PMM2: variants seen among roughly 807,000 people sequenced by gnomAD.
The protein encoded by PMM2 is phosphomannomutase 2.
PMM2 carries 35 observed loss-of-function variants against 33.2 expected under a neutral mutation model. That is an observed-to-expected ratio of 1.06 (90% CI 0.81 to 1.40). The LOEUF is 1.40. Ranked by LOEUF, PMM2 falls within the 40% of genes most tolerant of loss-of-function variation. The probability of loss-of-function intolerance (pLI) is 0.00; values close to 1 mark genes in which losing one functional copy is unlikely to be tolerated. For missense variants in PMM2, 386 were observed against 306.0 expected, an observed-to-expected ratio of 1.26 and a Z score of -1.95; for synonymous variants, 153 against 114.7, an observed-to-expected ratio of 1.33 and a Z score of -2.13.
intron 1 of PMM2, among the ~76,000 whole-genome samples, chr16:8,800,216 C>G (rs2060605150): frequency 6.6e-6 from 1 of 151,896 alleles, no homozygotes; most frequent in Admixed American, 6.6e-5. Flanking sequence ...AAAAGATTAG[C>G]CGAGCATGAT....
chr16:8,823,159 T>C (rs1252435210), intron 7 of PMM2, among the ~76,000 whole-genome samples: 1 of 152,186 alleles, frequency 6.6e-6, no homozygotes, highest in Non-Finnish European at 1.5e-5. Context: ...GCACTGGAGA[T>C]GGGCTAGGCA....
At position 8,835,064 on chromosome 16, in the gene PMM2, T is replaced by C. The variant is rs544692261; in HGVS notation, c.640-12660T>C. 8.8e-5 allele frequency among the ~76,000 whole-genome samples: 13 copies of C among 148,454 alleles called. No individual in the cohort carries two copies. In the South Asian group the frequency reaches 2.4e-3, roughly 27 times the overall value. ...AGAAATGTAGAGAGTGAGTTGAGCATAGTTTGTGATTTTTACGGCCTCTAA... is the reference window on the plus strand; with the variant it reads ...AGAAATGTAGAGAGTGAGTTGAGCACAGTTTGTGATTTTTACGGCCTCTAA... On this transcript the variant is annotated intron_variant, in intron 7 of 7. Coordinates refer to ENST00000268261, the MANE Select transcript of PMM2 (RefSeq NM_000303.3).
chr16:8,820,351 C>CTTTTTTTTTTTTTTTTTTTT (rs545958069), intron 7 of PMM2, among the ~76,000 whole-genome samples: 4 of 133,174 alleles, frequency 3.0e-5, no homozygotes, highest in African/African-American at 1.2e-4. Flanking sequence ...CACAGTTCTT[C>CTTTTTTTTTTTTTTTTTTTT]TTTTTTTTTT....
At chr16:8,845,602 T>C (rs1436689211) in intron 7 of PMM2, among the ~76,000 whole-genome samples, 1 of 151,952 alleles carries the variant, frequency 6.6e-6, no homozygotes, top group Non-Finnish European at 1.5e-5. Context: ...TTTTTTCTTT[T>C]GAGTCTCGCT....
chr16:8,799,104 T>C (rs1469319138), intron 1 of PMM2, among the ~76,000 whole-genome samples: 1 of 152,234 alleles, frequency 6.6e-6, no homozygotes, highest in Non-Finnish European at 1.5e-5. Context: ...CTTCTCTGTC[T>C]TTGCTGACTA....
intron 7 of PMM2, among the ~76,000 whole-genome samples, chr16:8,826,837 G>C (rs960716963): frequency 3.3e-5 from 5 of 151,864 alleles, no homozygotes; most frequent in African/African-American, 1.2e-4. Flanking sequence ...ACGACTCACA[G>C]AGACCATCTA....
In PMM2 at chr16:8,839,496, C is replaced by T. The variant is rs571779200; in HGVS notation, c.640-8228C>T. On this transcript the variant is annotated intron_variant, in intron 7 of 7. Transcript: ENST00000268261. The stretch of plus-strand genomic sequence containing the variant: ...TGTATGAGAAAACGTTGAGTATCTA[C>T]AAGCAACCTTTCACTATTATTTTCG... Among the ~76,000 whole-genome samples the T allele has an allele frequency of 1.3e-3, 191 of 152,054 alleles. 1 individual carries two copies. The highest frequency in any genetic ancestry group is 4.3e-3 in the African/African-American group (177 of 41,516).
intron 7 of PMM2, among the ~76,000 whole-genome samples, chr16:8,833,538 G>A (rs985079116): frequency 4.6e-5 from 7 of 151,684 alleles, no homozygotes; most frequent in Non-Finnish European, 1.5e-5. Context: ...AAATTTTTAG[G>A]GGGTGGTATG....
chr16:8,820,380 G>A (rs1250323109), intron 7 of PMM2, among the ~76,000 whole-genome samples: 1 of 135,592 alleles, frequency 7.4e-6, no homozygotes, highest in Non-Finnish European at 1.5e-5. Flanking sequence ...CTGAGACAAG[G>A]TCTCACTCTG....
In PMM2 at chr16:8,836,244, G is replaced by GT. The variant is rs539837331; in HGVS notation, c.640-11477dup. Among the ~76,000 whole-genome samples the GT allele has an allele frequency of 4.5e-3, 690 of 152,112 alleles. 5 individuals are homozygous for GT. Among genetic ancestry groups the GT allele is most frequent in the African/African-American group, 0.015 (638 of 41,508 alleles). On this transcript the variant is annotated intron_variant, in intron 7 of 7. Transcript: ENST00000268261. The stretch of plus-strand genomic sequence containing the variant: ...TACCCGATGCTCGGCGTCCGTGATG[G>GT]TTTATGGGGCTTCCGAGGGGATTGG...
At chr16:8,843,313 G>C (rs879867404) in intron 7 of PMM2, among the ~76,000 whole-genome samples, 14 of 152,300 alleles carry the variant, frequency 9.2e-5, no homozygotes, top group South Asian at 4.1e-4. Context: ...TGGCGTCCGT[G>C]ATGGTCTGGG....
intron 7 of PMM2, among the ~76,000 whole-genome samples, chr16:8,823,367 C>T (rs1308367721): frequency 1.3e-5 from 2 of 152,044 alleles, no homozygotes; most frequent in Non-Finnish European, 2.9e-5. Flanking sequence ...AGGATTTAGT[C>T]CAAATTGCAG....
chr16:8,817,655 C>T (rs1008713605), intron 7 of PMM2, among the ~76,000 whole-genome samples: 12 of 152,044 alleles, frequency 7.9e-5, no homozygotes, highest in Non-Finnish European at 1.2e-4. Context: ...ATCTTACCTA[C>T]GTTTTAAAAA....
rs2060949777 is a variant in PMM2, at chr16:8,849,191, T to G, written c.*1366T>G. The G allele has an allele frequency of 6.6e-6, 1 of 152,256 alleles. No homozygotes were observed. The highest frequency in any genetic ancestry group is 2.4e-5 in the African/African-American group (1 of 41,438). 9.4% of individuals were successfully genotyped at this position (152,256 alleles called of 1,614,324 possible). ...GGCTTGTAACTGTCTGAGCCCCGGA[T>G]CCGGTGGGGTGAAAGCAGCCAGCTC... is the stretch of plus-strand genomic sequence containing the variant. On this transcript the variant is annotated 3_prime_UTR_variant, in exon 8 of 8. Transcript: ENST00000268261.
intron 7 of PMM2, among the ~76,000 whole-genome samples, chr16:8,826,001 G>A (rs1443868937): frequency 3.3e-5 from 5 of 152,132 alleles, no homozygotes; most frequent in Admixed American, 6.5e-5. Context: ...TGATCTGCCT[G>A]CGTCGGCCTT....
At chr16:8,834,353 G>T (rs936046431) in intron 7 of PMM2, among the ~76,000 whole-genome samples, 25 of 152,104 alleles carry the variant, frequency 1.6e-4, no homozygotes, top group Non-Finnish European at 3.1e-4. Context: ...AGTAAAGGCT[G>T]GTCCGTTATC....
At chr16:8,841,227 G>T (rs1375858297) in intron 7 of PMM2, among the ~76,000 whole-genome samples, 1 of 151,046 alleles carries the variant, frequency 6.6e-6, no homozygotes, top group Non-Finnish European at 1.5e-5. Flanking sequence ...GAAACTGCTT[G>T]GGTGATTTGA....
At chr16:8,818,828 A>G (rs530234381) in intron 7 of PMM2, among the ~76,000 whole-genome samples, 1 of 152,334 alleles carries the variant, frequency 6.6e-6, no homozygotes, top group African/African-American at 2.4e-5. Context: ...TGAGTTCAGC[A>G]TGGAGGCCCT....
At chr16:8,839,333 A>T (rs1381288683) in intron 7 of PMM2, among the ~76,000 whole-genome samples, 1 of 151,768 alleles carries the variant, frequency 6.6e-6, no homozygotes, top group Admixed American at 6.6e-5. Context: ...CTGGAGATGT[A>T]AAGTAAAAAG....
Sources: gnomAD v4.1 joint callset for allele counts (sites outside exome capture counted in the v4.1 genomes callset) on GRCh38, gnomAD v4.1.1 for gene constraint, MANE v1.5 for transcripts, NCBI Gene and HGNC (gene_info 2026-07-23, HGNC 2026-07-21) for gene names.